Variants in ZNF697 observed in about 807,000 individuals in gnomAD.
ZNF697 encodes the protein zinc finger protein 697.
In ZNF697, 23 loss-of-function variants were observed where a neutral mutation model predicts 32.4. The ratio of observed to expected loss-of-function variants is 0.71; its 90% CI spans 0.51 to 1.01. The LOEUF is 1.01. Among genes scored for constraint, ZNF697 ranks in the 50% least tolerant of loss-of-function variants. The pLI is 0.00. For synonymous variants in ZNF697, 418 were observed against 337.2 expected (o/e 1.24, Z -2.62); for missense variants, 930 against 794.0 (o/e 1.17, Z -2.06).
At chr1:119,642,175 T>A (rs940374302) in intron 1 of ZNF697, among the ~76,000 whole-genome samples, 1 of 152,134 alleles carries the variant, frequency 6.6e-6, no homozygotes. Context: ...AGGCAAACTA[T>A]GGAGACAGTA....
intron 1 of ZNF697, among the ~76,000 whole-genome samples, chr1:119,636,838 C>CAAG (rs1297532225): frequency 1.3e-5 from 2 of 152,194 alleles, no homozygotes; most frequent in Non-Finnish European, 1.5e-5. Context: ...TTGGGTCTCC[C>CAAG]AGCATCATTA....
chr1:119,630,040 T>C (rs183725754), intron 1 of ZNF697, among the ~76,000 whole-genome samples: 36 of 152,346 alleles, frequency 2.4e-4, no homozygotes, highest in African/African-American at 7.7e-4. Context: ...AAGGGAGCTC[T>C]CCTTCCCCCA....
At position 119,623,002 on chromosome 1, in the gene ZNF697, C is replaced by T; in HGVS notation, c.1341G>A (p.Gly447=). Residue 447 remains glycine, a synonymous_variant, in exon 3 of 3, where the codon GGG becomes GGA. Coordinates refer to ENST00000421812, the MANE Select transcript of ZNF697 (RefSeq NM_001080470.2). ...GGTGGTTCACCAGGTGCGAGTTACG[C>T]CCGAAGCCCTTCCCGCACTCGCGGC... ...YVCRECGKGF[G]RNSHLVNHLR... is the part of the protein sequence containing the mutation. The T allele has an allele frequency of 1.3e-6, 2 of 1,590,376 alleles. No individual in the cohort carries two copies. Among genetic ancestry groups the T allele is most frequent in the Non-Finnish European group, 1.7e-6 (2 of 1,166,656 alleles).
chr1:119,642,058 G>A (rs750533064), intron 1 of ZNF697, among the ~76,000 whole-genome samples: 3 of 152,122 alleles, frequency 2.0e-5, no homozygotes, highest in Non-Finnish European at 2.9e-5. Flanking sequence ...TAGCTATCAA[G>A]GCGTGAAAAA....
chr1:119,622,178 T>A lies in ZNF697; in HGVS notation c.*527A>T, dbSNP rs1286719388. 1 of 153,126 alleles carries A rather than the reference T, an allele frequency of 6.5e-6. No individual in the cohort carries two copies. Among genetic ancestry groups the A allele is most frequent in the East Asian group, 1.9e-4 (1 of 5,194 alleles). The allele number at this position is 153,126 out of a possible 1,614,324, so 9.5% of individuals were successfully genotyped here. A position where few individuals can be genotyped will look rare whatever the true frequency, so the allele number is the denominator to read the frequency against. On this transcript the variant is annotated 3_prime_UTR_variant, in exon 3 of 3. Coordinates refer to ENST00000421812, the MANE Select transcript of ZNF697 (RefSeq NM_001080470.2). ...AGAGAAAGGAAAAGTACATTAAATA[T>A]CCTGTCCTATGTGACTGACAAGGTT...
In ZNF697 at chr1:119,620,390, A is replaced by G. The variant is rs1195952940; in HGVS notation, c.*2315T>C. On this transcript the variant is annotated 3_prime_UTR_variant, in exon 3 of 3. Transcript: ENST00000421812. Reference sequence around the variant, plus strand: ...GCAAAAAAGCAAAAAAAAAGCGGATAATCAATCCATGAATAATCAAAAGTT... The same window carrying G: ...GCAAAAAAGCAAAAAAAAAGCGGATGATCAATCCATGAATAATCAAAAGTT... 1 of 152,656 alleles carries G rather than the reference A, an allele frequency of 6.6e-6. No homozygotes were observed. The highest frequency in any genetic ancestry group is 1.5e-5 in the Non-Finnish European group (1 of 68,042). The allele number at this position is 152,656 out of a possible 1,614,324, so 9.5% of individuals were successfully genotyped here.
At chr1:119,631,925 G>C (rs978332455) in intron 1 of ZNF697, among the ~76,000 whole-genome samples, 2 of 152,220 alleles carry the variant, frequency 1.3e-5, no homozygotes, top group African/African-American at 4.8e-5. Context: ...CGCTTCCATA[G>C]CAGAGTCCAG....
At chr1:119,634,688 A>G (rs1210850190) in intron 1 of ZNF697, among the ~76,000 whole-genome samples, 2 of 152,258 alleles carry the variant, frequency 1.3e-5, no homozygotes. Flanking sequence ...ACAATGCAAC[A>G]GTGACAAAAA....
chr1:119,631,283 C>G (rs991624966), intron 1 of ZNF697, among the ~76,000 whole-genome samples: 3 of 152,268 alleles, frequency 2.0e-5, no homozygotes, highest in African/African-American at 4.8e-5. Flanking sequence ...TTGGAGCGGA[C>G]CTAAGCACCT....
At chr1:119,642,172 C>T (rs1649094705) in intron 1 of ZNF697, among the ~76,000 whole-genome samples, 1 of 152,086 alleles carries the variant, frequency 6.6e-6, no homozygotes, top group African/African-American at 2.4e-5. Context: ...AAAAGGCAAA[C>T]TATGGAGACA....
In ZNF697 at chr1:119,623,071, G is replaced by C. The variant is rs1276488445; in HGVS notation, c.1272C>G (p.Leu424=). 1.3e-6 allele frequency: 2 copies of C among 1,584,604 alleles called. No individual in the cohort carries two copies. Among genetic ancestry groups the C allele is most frequent in the Non-Finnish European group, 8.6e-7 (1 of 1,166,000 alleles). ...CCGAGTGCGTGCGCTTGTGCGTGAA[G>C]AGGTGCGAGCTGACGCTGAAGGTCT... is the stretch of plus-strand genomic sequence containing the variant. ...CGETFSVSSH[L]FTHKRTHSGE... is the part of the protein sequence containing the mutation. Residue 424 remains leucine (L), a synonymous_variant, in exon 3 of 3, where the codon CTC becomes CTG. Transcript: ENST00000421812.
rs936313345 is a variant in ZNF697, at chr1:119,647,842, T to G, written c.-189A>C. The G allele has an allele frequency of 1.3e-5, 2 of 152,636 alleles. No homozygotes were observed. The highest frequency in any genetic ancestry group is 2.4e-5 in the African/African-American group (1 of 41,394). The allele number at this position is 152,636 out of a possible 1,614,324, so 9.5% of individuals were successfully genotyped here. On this transcript the variant is annotated 5_prime_UTR_variant, in exon 1 of 3. An upstream start codon of the reference 5' UTR is lost. Coordinates refer to ENST00000421812, the MANE Select transcript of ZNF697 (RefSeq NM_001080470.2). ...CTCCTCCTCCCCGCCCCTCGCCACA[T>G]ACCCCTGAGGGAGCTCAGTCCTGGC...
chr1:119,623,632 C>T lies in ZNF697; in HGVS notation c.711G>A (p.Met237Ile). ...AGCCCCCCGCCACACCCACCCCCAT[C>T]ATGCCCACCATCGCGTCGCACTCGC... is the stretch of plus-strand genomic sequence containing the variant. ...LAGECDAMVG[M>I]MGVGVAGGFG... The change falls in exon 3 of 3, where the codon ATG (methionine) becomes ATA (isoleucine). Residue 237 changes from methionine (M) to isoleucine (I), a missense_variant. Physicochemically the swap from Met to Ile is conservative, Grantham distance 10. Transcript: ENST00000421812. 9.6e-7 allele frequency: 1 copy of T among 1,037,958 alleles called. No individual in the cohort carries two copies. Among genetic ancestry groups the T allele is most frequent in the Non-Finnish European group, 1.3e-6 (1 of 757,042 alleles). 64.3% of individuals were successfully genotyped at this position (1,037,958 alleles called of 1,614,324 possible).
At chr1:119,626,448 T>A (rs114674848) in intron 1 of ZNF697, among the ~76,000 whole-genome samples, 3,256 of 152,282 alleles carry the variant, frequency 0.021, 117 homozygotes, top group African/African-American at 0.074. Context: ...GATGTTCCCA[T>A]TTTTACAGCT....
At chr1:119,626,736 C>A (rs771240237) in intron 1 of ZNF697, among the ~76,000 whole-genome samples, 2 of 152,198 alleles carry the variant, frequency 1.3e-5, no homozygotes, top group Non-Finnish European at 2.9e-5. Context: ...ACCATGTCAC[C>A]AACAGCACCA....
At position 119,628,607 on chromosome 1, in the gene ZNF697, T is replaced by C. The variant is rs587663665; in HGVS notation, c.-37-2470A>G. ...GGATTAGGTGTGCTCTGAAAAGAGCTTGAAGTTCCTGTCACCCAGATACCA... is the reference window on the plus strand; with the variant it reads ...GGATTAGGTGTGCTCTGAAAAGAGCCTGAAGTTCCTGTCACCCAGATACCA... On this transcript the variant is annotated intron_variant, in intron 1 of 2. Coordinates refer to ENST00000421812, the MANE Select transcript of ZNF697 (RefSeq NM_001080470.2). Among the ~76,000 whole-genome samples the C allele has an allele frequency of 5.3e-5, 8 of 152,346 alleles. No individual in the cohort carries two copies. In the South Asian group the frequency reaches 1.7e-3, roughly 32 times the overall value.
intron 1 of ZNF697, among the ~76,000 whole-genome samples, chr1:119,631,445 C>G (rs1401614107): frequency 1.3e-5 from 2 of 152,240 alleles, no homozygotes; most frequent in Non-Finnish European, 2.9e-5. Context: ...TGTTCCCCTC[C>G]GCTGGCTCCT....
At chr1:119,645,609 C>T (rs1022408528) in intron 1 of ZNF697, among the ~76,000 whole-genome samples, 2 of 151,888 alleles carry the variant, frequency 1.3e-5, no homozygotes, top group African/African-American at 2.4e-5. Flanking sequence ...GCTATTTGCT[C>T]GAAGGATGGG....
In ZNF697 at chr1:119,634,105, G is replaced by A. The variant is rs587704295; in HGVS notation, c.-37-7968C>T. ...GTTGATGCTGGAATCCCATATTAAC[G>A]TTGCCAGATGGGGCCAGGTGACCTC... On this transcript the variant is annotated intron_variant, in intron 1 of 2. Transcript: ENST00000421812. Among the ~76,000 whole-genome samples, 25 of 152,334 alleles carry A rather than the reference G, an allele frequency of 1.6e-4. No individual in the cohort carries two copies. In the South Asian group the frequency reaches 1.7e-3, roughly 10 times the overall value.
Sources: allele counts gnomAD v4.1 joint callset (sites outside exome capture counted in the v4.1 genomes callset), GRCh38; gene constraint gnomAD v4.1.1; transcripts MANE v1.5; gene names NCBI Gene and HGNC (gene_info 2026-07-23, HGNC 2026-07-21).